The following KRT77 variants were observed in gnomAD, a reference collection of about 807,000 sequenced individuals.
KRT77 encodes keratin, type II cytoskeletal 1b.
In KRT77, 44 loss-of-function variants were observed where a neutral mutation model predicts 51.5. The observed-to-expected ratio is 0.85, with a 90% CI of 0.67 to 1.10. The LOEUF is 1.10. Among genes scored for constraint, KRT77 ranks in the 50% least tolerant of loss-of-function variants. The probability of loss-of-function intolerance (pLI) is 0.00; values close to 1 mark genes in which losing one functional copy is unlikely to be tolerated. For synonymous variants in KRT77, 293 were observed against 302.0 expected, an observed-to-expected ratio of 0.97 and a Z score of 0.31; for missense variants, 763 against 743.9, an observed-to-expected ratio of 1.03 and a Z score of -0.30.
At chr12:52,699,590 G>A (rs771566880) in intron 1 of KRT77, among the ~76,000 whole-genome samples, 18 of 152,160 alleles carry the variant, frequency 1.2e-4, no homozygotes, top group Non-Finnish European at 7.4e-5. Context: ...CAACCTTCTC[G>A]CCCACCCTCT....
At position 52,703,196 on chromosome 12, in the gene KRT77, C is replaced by A. The variant is rs200889592; in HGVS notation, c.239G>T (p.Ser80Ile). ...ISINLMGRST[S>I]GFCQGGGVGG... ...TACTCCCCCACCCTGGCAGAAACCA[C>A]TGGTGCTCCTCCCCATTAGATTAAT... The change falls in exon 1 of 9, where the codon AGT becomes ATT. Residue 80 changes from serine (S) to isoleucine (I), a missense_variant. Ser to Ile is a moderately radical substitution (Grantham distance 142, BLOSUM62 -2). Coordinates refer to ENST00000341809, the MANE Select transcript of KRT77 (RefSeq NM_175078.3). 15 of 1,612,944 alleles carry A rather than the reference C, an allele frequency of 9.3e-6. No individual in the cohort carries two copies. The East Asian group carries it at 2.9e-4, about 31-fold the overall frequency.
At position 52,692,541 on chromosome 12, in the gene KRT77, TGCAGGG is replaced by T; in HGVS notation, c.1301_1306del (p.Ala434_Gln436delinsGlu). ...CCGGGCCAGCTCCTCCTTGGACTGC[TGCAGGG>T]CCTCCTCCAGGTCCTGCAGCTTCTG... On this transcript the variant is annotated inframe_deletion, in exon 7 of 9. Coordinates refer to ENST00000341809, the MANE Select transcript of KRT77 (RefSeq NM_175078.3). The T allele has an allele frequency of 6.2e-7, 1 of 1,611,512 alleles. No individual in the cohort carries two copies. Among genetic ancestry groups the T allele is most frequent in the Non-Finnish European group, 8.5e-7 (1 of 1,177,812 alleles).
At chr12:52,691,836 G>T in intron 8 of KRT77, 102 bp downstream of exon 8, 1 of 1,361,148 alleles carries the variant, frequency 7.3e-7, no homozygotes. Flanking sequence ...CACAGGACTG[G>T]AAGCTAAAAT....
chr12:52,703,063 A>T lies in KRT77; in HGVS notation c.372T>A (p.Leu124=). ...GAGFGTSNFG[L]GGFGPYCPPG... is the part of the protein sequence containing the mutation. ...GAGGACAATAAGGACCAAAGCCCCC[A>T]AGCCCAAAATTGCTAGTCCCAAATC... Residue 124 remains leucine (L), a synonymous_variant, in exon 1 of 9, where the codon CTT becomes CTA. Coordinates refer to ENST00000341809, the MANE Select transcript of KRT77 (RefSeq NM_175078.3). 3.7e-6 allele frequency: 6 copies of T among 1,613,656 alleles called. No individual in the cohort carries two copies. Among genetic ancestry groups the T allele is most frequent in the Non-Finnish European group, 5.1e-6 (6 of 1,179,928 alleles).
intron 3 of KRT77, 43 bp downstream of exon 3, chr12:52,696,327 C>T: frequency 6.3e-7 from 1 of 1,597,330 alleles, no homozygotes; most frequent in Non-Finnish European, 8.6e-7. Context: ...TCCCCTCAGC[C>T]TCCTGGGTCC....
rs149726101 is a variant in KRT77, at chr12:52,703,292, C to G, written c.143G>C (p.Gly48Ala). Residue 48 changes from glycine (G) to alanine (A), a missense_variant, in exon 1 of 9, where the codon GGA becomes GCA. Physicochemically the swap from Gly to Ala is moderately conservative, Grantham distance 60. Transcript: ENST00000341809. ...AAACCCCCTTCCATGGATCCCATAT[C>G]CACCACCACCACACCTCCCTCGAGC... The part of the protein sequence containing the change: ...CYARGRCGGG[G>A]YGIHGRGFGS... The G allele has an allele frequency of 3.2e-5, 51 of 1,613,518 alleles. No homozygotes were observed. The highest frequency in any genetic ancestry group is 4.1e-5 in the Non-Finnish European group (48 of 1,179,774).
Position 52,695,760 on chromosome 12 carries a change from G to A in KRT77, c.915+12C>T, listed in dbSNP as rs749961463. 1.3e-6 allele frequency: 2 copies of A among 1,590,796 alleles called. No homozygotes were observed. The highest frequency in any genetic ancestry group is 1.7e-4 in the Middle Eastern group (1 of 6,048). The stretch of plus-strand genomic sequence containing the variant: ...AGAAAAGAAAGGAGGTTCTTATAAA[G>A]GCTTAACTCACCGTCAAAAATAAAT... On this transcript the variant is annotated intron_variant, in intron 4 of 8. Transcript: ENST00000341809.
chr12:52,698,204 G>T, intron 1 of KRT77: 1 of 1,265,336 alleles, frequency 7.9e-7, no homozygotes, highest in Non-Finnish European at 1.0e-6. Flanking sequence ...CCATGCCAAC[G>T]TAAGGAAATG....
rs556213634 is a variant in KRT77, at chr12:52,695,017, C to T, written c.916-227G>A. On this transcript the variant is annotated intron_variant, in intron 4 of 8. Coordinates refer to ENST00000341809, the MANE Select transcript of KRT77 (RefSeq NM_175078.3). ...CCTGGAGCGTTCAGATACCATCTCC[C>T]CATCACACTTCTCCTGCAGCTGCCA... 1.9e-5 allele frequency: 6 copies of T among 315,484 alleles called. No individual in the cohort carries two copies. In the East Asian group the frequency reaches 3.4e-4, roughly 18 times the overall value. The allele number at this position is 315,484 out of a possible 1,614,324, so 19.5% of individuals were successfully genotyped here.
In KRT77 at chr12:52,694,377, G is replaced by A. The variant is rs373378192; in HGVS notation, c.1080+249C>T. On this transcript the variant is annotated intron_variant, in intron 5 of 8. Transcript: ENST00000341809. Reference sequence around the variant, plus strand: ...TTTTGCAAAAGTAATTGCAGTTCTCGTCATTACTTTTAATGGCGAGAACCG... The same window carrying A: ...TTTTGCAAAAGTAATTGCAGTTCTCATCATTACTTTTAATGGCGAGAACCG... 7.2e-5 allele frequency among the ~76,000 whole-genome samples: 11 copies of A among 152,220 alleles called. No individual in the cohort carries two copies. In the South Asian group the frequency reaches 1.2e-3, roughly 17 times the overall value.
At chr12:52,695,904 C>T (rs1475943900) in intron 3 of KRT77, 37 bp from the exon 4 acceptor site, 4 of 1,317,906 alleles carry the variant, frequency 3.0e-6, no homozygotes, top group South Asian at 1.2e-5. Context: ...CTTTATTGCC[C>T]AGGCATTGCC....
At chr12:52,692,064 A>G in intron 7 of KRT77, 92 bp from the exon 8 acceptor site, 2 of 1,361,688 alleles carry the variant, frequency 1.5e-6, no homozygotes, top group Non-Finnish European at 2.1e-6. Context: ...GGTGTCCCCA[A>G]GCCTTAGGGA....
rs758226801 is a variant in KRT77 at position 52,703,379 on chromosome 12, T to C, written c.56A>G (p.Tyr19Cys). ...AGAGCCTGCAGAAGAGCTGGTACTA[T>C]AAACCCGCCTGCTCATTGAACTAAA... ...SAFSSMSRRV[Y>C]STSSSAGSGG... The change falls in exon 1 of 9, where the codon TAT becomes TGT. Residue 19 changes from tyrosine to cysteine, a missense_variant. Coordinates refer to ENST00000341809, the MANE Select transcript of KRT77 (RefSeq NM_175078.3). 5 of 1,612,414 alleles carry C rather than the reference T, an allele frequency of 3.1e-6. No individual in the cohort carries two copies. Among genetic ancestry groups the C allele is most frequent in the South Asian group, 1.1e-5 (1 of 90,900 alleles).
rs1325683235 is a variant in KRT77, at chr12:52,694,888, G to A, written c.916-98C>T. On this transcript the variant is annotated intron_variant, in intron 4 of 8. Coordinates refer to ENST00000341809, the MANE Select transcript of KRT77 (RefSeq NM_175078.3). ...TCAAGGCTCTCGGGGGAAGCCAGAA[G>A]CCTGGGCCAGGTAGTCTTGGGAAAA... 11 of 1,129,386 alleles carry A rather than the reference G, an allele frequency of 9.7e-6. No individual in the cohort carries two copies. In the Admixed American group the frequency reaches 1.5e-4, roughly 15 times the overall value. 70.0% of individuals were successfully genotyped at this position (1,129,386 alleles called of 1,614,324 possible).
rs377708946 is a variant in KRT77, at chr12:52,703,031, C to A, written c.404G>T (p.Gly135Val). 1.1e-5 allele frequency: 17 copies of A among 1,613,950 alleles called. No homozygotes were observed. Among genetic ancestry groups the A allele is most frequent in the Non-Finnish European group, 1.4e-5 (16 of 1,179,978 alleles). The change falls in exon 1 of 9, where the codon GGC becomes GTC. Residue 135 changes from glycine to valine, a missense_variant. By Grantham distance (109) the Gly-to-Val change is moderately radical. Coordinates refer to ENST00000341809, the MANE Select transcript of KRT77 (RefSeq NM_175078.3). ...GGFGPYCPPG[G>V]IQEVTINQSL... The stretch of plus-strand genomic sequence containing the variant: ...CTGGTTAATGGTCACCTCTTGGATG[C>A]CCCCAGGAGGACAATAAGGACCAAA...
chr12:52,694,976 A>G (rs1941773484), intron 4 of KRT77, 186 bp from the exon 5 acceptor site: 1 of 422,684 alleles, frequency 2.4e-6, no homozygotes, highest in Non-Finnish European at 4.1e-6. Context: ...CTCCAGGGAG[A>G]AGGAAGGAGC....
intron 5 of KRT77, among the ~76,000 whole-genome samples, chr12:52,694,052 TA>T (rs1941755736): frequency 6.8e-6 from 1 of 146,388 alleles, no homozygotes; most frequent in Non-Finnish European, 1.5e-5. Flanking sequence ...AAAAAAAAAG[TA>T]AAAAAAATAT....
At position 52,690,303 on chromosome 12, in the gene KRT77, C is replaced by T. The variant is rs1012809389; in HGVS notation, c.*862G>A. 1 of 152,260 alleles carries T rather than the reference C, an allele frequency of 6.6e-6. No individual in the cohort carries two copies. Among genetic ancestry groups the T allele is most frequent in the Non-Finnish European group, 1.5e-5 (1 of 68,062 alleles). 9.4% of individuals were successfully genotyped at this position (152,260 alleles called of 1,614,324 possible). A position where few individuals can be genotyped will look rare whatever the true frequency, so the allele number is the denominator to read the frequency against. Reference sequence around the variant, plus strand: ...TTCCTTTGGGTAAGGATTCATGACCCTATGCCCTCTGAAATACTTCCACCT... The same window carrying T: ...TTCCTTTGGGTAAGGATTCATGACCTTATGCCCTCTGAAATACTTCCACCT... On this transcript the variant is annotated 3_prime_UTR_variant, in exon 9 of 9. Transcript: ENST00000341809.
intron 1 of KRT77, among the ~76,000 whole-genome samples, chr12:52,700,372 G>A (rs975228134): frequency 2.6e-5 from 4 of 152,136 alleles, no homozygotes; most frequent in African/African-American, 9.7e-5. Context: ...ACACAGGGCC[G>A]GGGCATAGGA....
Sources: allele counts gnomAD v4.1 joint callset (sites outside exome capture counted in the v4.1 genomes callset), GRCh38; gene constraint gnomAD v4.1.1; transcripts MANE v1.5; gene names NCBI Gene and HGNC (gene_info 2026-07-23, HGNC 2026-07-21).